The following GULP1 variants were observed in gnomAD, a reference collection of about 807,000 sequenced individuals.
The protein encoded by GULP1 is PTB domain-containing engulfment adapter protein 1.
GULP1 carries 19 observed loss-of-function variants against 40.9 expected under a neutral mutation model. That is an observed-to-expected ratio of 0.46 (90% CI 0.32 to 0.68). GULP1 has a LOEUF of 0.68. Among genes scored for constraint, GULP1 ranks in the 30% least tolerant of loss-of-function variants. The probability of loss-of-function intolerance (pLI) is 0.03; values close to 1 mark genes in which losing one functional copy is unlikely to be tolerated. For synonymous variants in GULP1, 119 were observed against 117.6 expected, an observed-to-expected ratio of 1.01 and a Z score of -0.08; for missense variants, 312 against 362.2, an observed-to-expected ratio of 0.86 and a Z score of 1.12.
intron 4 of GULP1, among the ~76,000 whole-genome samples, chr2:188,502,853 G>A (rs1309010893): frequency 6.6e-6 from 1 of 151,936 alleles, no homozygotes; most frequent in Non-Finnish European, 1.5e-5. Context: ...GGAGGTTGAA[G>A]ATCAAGGGAT....
intron 2 of GULP1, among the ~76,000 whole-genome samples, chr2:188,429,835 C>A (rs188915675): frequency 1.3e-5 from 2 of 151,996 alleles, no homozygotes; most frequent in African/African-American, 2.4e-5. Flanking sequence ...CTCAGCCTCC[C>A]GAGTAGCTGG....
intron 4 of GULP1, among the ~76,000 whole-genome samples, chr2:188,521,197 A>T (rs2065736312): frequency 6.6e-6 from 1 of 152,134 alleles, no homozygotes; most frequent in Non-Finnish European, 1.5e-5. Context: ...TTTGCCCTAT[A>T]TATAGAATTT....
intron 2 of GULP1, among the ~76,000 whole-genome samples, chr2:188,446,764 A>T (rs2058422243): frequency 6.6e-6 from 1 of 152,192 alleles, no homozygotes; most frequent in Non-Finnish European, 1.5e-5. Context: ...ACTTATATGG[A>T]TGAAGTATGC....
intron 4 of GULP1, among the ~76,000 whole-genome samples, chr2:188,493,354 C>T (rs1267139842): frequency 1.3e-5 from 2 of 151,926 alleles, no homozygotes; most frequent in African/African-American, 2.4e-5. Flanking sequence ...ACTTTTTCTT[C>T]GATGCCTGAG....
chr2:188,373,924 T>G (rs1047115460), intron 1 of GULP1, among the ~76,000 whole-genome samples: 2 of 152,060 alleles, frequency 1.3e-5, no homozygotes, highest in Admixed American at 1.3e-4. Flanking sequence ...CTCTTCTAAA[T>G]CTGTTTATTT....
At chr2:188,323,939 A>T (rs763310965) in intron 1 of GULP1, among the ~76,000 whole-genome samples, 3 of 152,006 alleles carry the variant, frequency 2.0e-5, no homozygotes, top group African/African-American at 7.2e-5. Context: ...AAAATGTCAC[A>T]AGTTTGCAAA....
intron 2 of GULP1, among the ~76,000 whole-genome samples, chr2:188,474,149 T>C (rs2060816059): frequency 1.3e-5 from 2 of 152,180 alleles, no homozygotes; most frequent in African/African-American, 2.4e-5. Context: ...TGAGCTGCTA[T>C]CCAAGATGCA....
intron 3 of GULP1, 71 bp downstream of exon 3, chr2:188,477,801 G>A: frequency 8.4e-7 from 1 of 1,188,658 alleles, no homozygotes; most frequent in Non-Finnish European, 1.2e-6. Flanking sequence ...GCGATGTTAA[G>A]AAATCAGTTT....
chr2:188,580,253 G>A (rs1287550688), intron 9 of GULP1, among the ~76,000 whole-genome samples: 1 of 152,214 alleles, frequency 6.6e-6, no homozygotes, highest in African/African-American at 2.4e-5. Flanking sequence ...AGATGGAGGT[G>A]TATTACAATG....
intron 2 of GULP1, among the ~76,000 whole-genome samples, chr2:188,470,832 T>C (rs997779218): frequency 6.6e-6 from 1 of 152,210 alleles, no homozygotes; most frequent in African/African-American, 2.4e-5. Flanking sequence ...ATCTAACATA[T>C]GATCTATCCT....
At chr2:188,308,210 G>C (rs566862408) in intron 1 of GULP1, among the ~76,000 whole-genome samples, 28 of 151,958 alleles carry the variant, frequency 1.8e-4, no homozygotes, top group Non-Finnish European at 4.0e-4. Flanking sequence ...CTGTCTTCCT[G>C]ACATCAGCAC....
chr2:188,538,879 CAA>C (rs1333510994), intron 6 of GULP1, among the ~76,000 whole-genome samples: 17 of 151,890 alleles, frequency 1.1e-4, no homozygotes, highest in Admixed American at 2.6e-4. Context: ...TAGAAAAAAA[CAA>C]ATGTGATACT....
chr2:188,447,037 T>C (rs978979817), intron 2 of GULP1, among the ~76,000 whole-genome samples: 1 of 152,144 alleles, frequency 6.6e-6, no homozygotes, highest in African/African-American at 2.4e-5. Context: ...ACACGAGACA[T>C]CAATCAAATA....
rs552153118 is a variant in GULP1 at position 188,534,506 on chromosome 2, A to C, written c.261+5311A>C. Among the ~76,000 whole-genome samples the C allele has an allele frequency of 2.9e-4, 44 of 151,788 alleles. 1 individual carries two copies. The highest frequency in any genetic ancestry group is 2.8e-3 in the Admixed American group (42 of 15,228). On this transcript the variant is annotated intron_variant, in intron 6 of 11. Transcript: ENST00000409830. ...TACCAGAGGGAGAAGGAAGGAGGGG[A>C]TAAGGGTTTAAAAACAAACTCTTGC... is the stretch of plus-strand genomic sequence containing the variant.
intron 2 of GULP1, among the ~76,000 whole-genome samples, chr2:188,463,465 A>G (rs1035782068): frequency 6.6e-6 from 1 of 151,494 alleles, no homozygotes; most frequent in Non-Finnish European, 1.5e-5. Flanking sequence ...GACCTTTGGG[A>G]GTTTGATTAA....
At chr2:188,455,967 G>T (rs995139226) in intron 2 of GULP1, among the ~76,000 whole-genome samples, 3 of 152,170 alleles carry the variant, frequency 2.0e-5, no homozygotes, top group African/African-American at 7.2e-5. Context: ...AAAGAGACTG[G>T]TGGCATTTTG....
At chr2:188,327,755 A>T (rs1383310327) in intron 1 of GULP1, among the ~76,000 whole-genome samples, 4 of 152,152 alleles carry the variant, frequency 2.6e-5, no homozygotes, top group African/African-American at 9.7e-5. Context: ...AGTTAGGGAT[A>T]CATTTATTTT....
chr2:188,415,572 C>T (rs1019223900), intron 2 of GULP1, among the ~76,000 whole-genome samples: 1 of 151,046 alleles, frequency 6.6e-6, no homozygotes, highest in African/African-American at 2.4e-5. Flanking sequence ...CACTGTAGAG[C>T]AAAGCTGAAA....
chr2:188,520,680 C>T (rs1190848943), intron 4 of GULP1, among the ~76,000 whole-genome samples: 1 of 152,094 alleles, frequency 6.6e-6, no homozygotes, highest in Non-Finnish European at 1.5e-5. Flanking sequence ...TTCAACTCAT[C>T]TTTGTACCTA....
Sources: allele counts gnomAD v4.1 joint callset (sites outside exome capture counted in the v4.1 genomes callset), GRCh38; gene constraint gnomAD v4.1.1; transcripts MANE v1.5; gene names NCBI Gene and HGNC (gene_info 2026-07-23, HGNC 2026-07-21).